The following RBFOX1 variants were observed in gnomAD, a reference collection of about 807,000 sequenced individuals.
The protein encoded by RBFOX1 is RNA binding protein fox-1 homolog 1.
RBFOX1 carries 8 observed loss-of-function variants against 57.7 expected under a neutral mutation model. The ratio of observed to expected loss-of-function variants is 0.14; its 90% CI spans 0.08 to 0.25. The LOEUF (loss-of-function observed/expected upper bound fraction) is 0.25. RBFOX1 is among the 10% of genes least tolerant of loss of function. The pLI is 1.00. For synonymous variants in RBFOX1, 326 were observed against 222.4 expected (o/e 1.47, Z -4.15); for missense variants, 611 against 548.5 (o/e 1.11, Z -1.14).
intron 4 of RBFOX1, among the ~76,000 whole-genome samples, chr16:7,058,101 C>T (rs987959450): frequency 2.6e-5 from 4 of 151,170 alleles, no homozygotes; most frequent in Non-Finnish European, 5.9e-5. Flanking sequence ...CTGGAAAATA[C>T]ATGTGCTACC....
At chr16:6,018,508 G>A (rs79622230), upstream of RBFOX1, among the ~76,000 whole-genome samples, 5,487 of 152,234 alleles carry the variant, frequency 0.036, 137 homozygotes, top group Non-Finnish European at 0.055. Flanking sequence ...CGTCCATTGC[G>A]GGAGTAGGTG....
At chr16:7,584,323 C>T (rs183736908) in intron 6 of RBFOX1, among the ~76,000 whole-genome samples, 45 of 152,244 alleles carry the variant, frequency 3.0e-4, no homozygotes, top group East Asian at 5.8e-4. Flanking sequence ...GATAGAGTCT[C>T]GCTCTGTCAC....
At chr16:6,932,396 C>A (rs574751921) in intron 3 of RBFOX1, among the ~76,000 whole-genome samples, 1 of 152,142 alleles carries the variant, frequency 6.6e-6, no homozygotes, top group Non-Finnish European at 1.5e-5. Flanking sequence ...CATGAGCCAC[C>A]ATGCCCAGCC....
chr16:7,051,731 G>A lies in RBFOX1; in HGVS notation c.-15-326G>A, dbSNP rs889692316. ...TGCACCTGTGATATAGGGCAAGCTG[G>A]GGTTTTCAGGGAAAAGGGTGGGGAG... is the stretch of plus-strand genomic sequence containing the variant. On this transcript the variant is annotated intron_variant, in intron 3 of 15. Coordinates refer to ENST00000550418, the MANE Select transcript of RBFOX1 (RefSeq NM_018723.4). Among the ~76,000 whole-genome samples the A allele has an allele frequency of 6.6e-5, 10 of 152,184 alleles. No individual in the cohort carries two copies. The East Asian group carries it at 1.4e-3, about 21-fold the overall frequency.
chr16:7,225,590 T>C (rs1297327945), intron 4 of RBFOX1, among the ~76,000 whole-genome samples: 2 of 151,820 alleles, frequency 1.3e-5, no homozygotes, highest in Non-Finnish European at 2.9e-5. Context: ...CCATGTGAGA[T>C]GATGAGATTG....
At chr16:5,767,557 G>C (rs985784427) in intron 3 of RBFOX1, among the ~76,000 whole-genome samples, 3 of 152,140 alleles carry the variant, frequency 2.0e-5, no homozygotes, top group Admixed American at 2.0e-4. Context: ...CGAACCCTGC[G>C]TGAGTTTCCA....
Position 6,117,086 on chromosome 16 carries a change from C to T in RBFOX1, c.-127+97094C>T, listed in dbSNP as rs559761609. Among the ~76,000 whole-genome samples the T allele has an allele frequency of 3.3e-5, 5 of 152,242 alleles. No individual in the cohort carries two copies. The South Asian group carries it at 1.0e-3, about 32-fold the overall frequency. The stretch of plus-strand genomic sequence containing the variant: ...CTTCATTAAAGTCTGATGCCCTCAC[C>T]AAAGCCTTCTTGGAGTAGTTGTAGA... On this transcript the variant is annotated intron_variant, in intron 1 of 15. Coordinates refer to ENST00000550418, the MANE Select transcript of RBFOX1 (RefSeq NM_018723.4).
At chr16:7,216,046 C>G (rs576688424) in intron 4 of RBFOX1, among the ~76,000 whole-genome samples, 43 of 152,246 alleles carry the variant, frequency 2.8e-4, no homozygotes, top group African/African-American at 1.0e-3. Context: ...TCACTGGAAT[C>G]ATACAGTATT....
At chr16:5,540,346 A>G (rs893043243) in intron 2 of RBFOX1, among the ~76,000 whole-genome samples, 2 of 152,250 alleles carry the variant, frequency 1.3e-5, no homozygotes, top group Non-Finnish European at 2.9e-5. Flanking sequence ...CAGATTATGT[A>G]TACTATGAAA....
At chr16:5,488,060 T>A (rs1322516035) in intron 2 of RBFOX1, among the ~76,000 whole-genome samples, 2 of 151,048 alleles carry the variant, frequency 1.3e-5, no homozygotes, top group African/African-American at 4.9e-5. Flanking sequence ...GGTGGTGAGG[T>A]GTGATGGTGA....
chr16:7,601,213 G>T (rs760002775), intron 9 of RBFOX1, among the ~76,000 whole-genome samples: 25 of 152,142 alleles, frequency 1.6e-4, no homozygotes, highest in Non-Finnish European at 2.2e-4. Flanking sequence ...CCATTCACTG[G>T]CTCTTGAATT....
intron 2 of RBFOX1, among the ~76,000 whole-genome samples, chr16:6,551,543 C>G (rs1184185888): frequency 6.6e-6 from 1 of 152,180 alleles, no homozygotes; most frequent in Non-Finnish European, 1.5e-5. Flanking sequence ...GTAGCACACA[C>G]ATTCATCAAG....
chr16:5,349,515 T>A (rs1038106041), intron 1 of RBFOX1, among the ~76,000 whole-genome samples: 1 of 151,906 alleles, frequency 6.6e-6, no homozygotes, highest in African/African-American at 2.4e-5. Flanking sequence ...CTACTAAAAA[T>A]ACAAAAAATT....
At position 6,155,221 on chromosome 16, in the gene RBFOX1, C is replaced by G. The variant is rs145286305; in HGVS notation, c.-127+135229C>G. 3.3e-4 allele frequency among the ~76,000 whole-genome samples: 51 copies of G among 152,314 alleles called. 1 individual carries two copies. The East Asian group carries it at 9.5e-3, about 28-fold the overall frequency. On this transcript the variant is annotated intron_variant, in intron 1 of 15. Coordinates refer to ENST00000550418, the MANE Select transcript of RBFOX1 (RefSeq NM_018723.4). The stretch of plus-strand genomic sequence containing the variant: ...CTTTGGACATTACAATCTGCCATCT[C>G]TTCCTCTGGGGCATCCAGGAGACAA...
intron 4 of RBFOX1, among the ~76,000 whole-genome samples, chr16:7,331,578 G>A (rs949896719): frequency 6.6e-6 from 1 of 152,148 alleles, no homozygotes; most frequent in Admixed American, 6.6e-5. Flanking sequence ...CAGGAAAACA[G>A]GGAATACATG....
chr16:7,305,445 A>C (rs557648094), intron 4 of RBFOX1, among the ~76,000 whole-genome samples: 3 of 152,124 alleles, frequency 2.0e-5, no homozygotes, highest in Non-Finnish European at 4.4e-5. Flanking sequence ...TGTCATGCAG[A>C]TGAAAATCCT....
intron 1 of RBFOX1, among the ~76,000 whole-genome samples, chr16:5,322,275 C>G (rs1245448050): frequency 2.6e-5 from 4 of 152,212 alleles, no homozygotes; most frequent in Admixed American, 2.0e-4. Flanking sequence ...GGGTAGATGG[C>G]TGAGGATTTC....
intron 4 of RBFOX1, among the ~76,000 whole-genome samples, chr16:7,116,811 TAAC>T (rs2066001754): frequency 1.3e-5 from 2 of 152,132 alleles, no homozygotes; most frequent in African/African-American, 4.8e-5. Context: ...CAGAGGCATA[TAAC>T]AGCACACACA....
chr16:6,361,948 T>C (rs1307178061), intron 2 of RBFOX1, among the ~76,000 whole-genome samples: 1 of 151,976 alleles, frequency 6.6e-6, no homozygotes, highest in Non-Finnish European at 1.5e-5. Flanking sequence ...ATGAAGTCCC[T>C]GTGTGATATA....
Sources: gnomAD v4.1 joint callset for allele counts (sites outside exome capture counted in the v4.1 genomes callset) on GRCh38, gnomAD v4.1.1 for gene constraint, MANE v1.5 for transcripts, NCBI Gene and HGNC (gene_info 2026-07-23, HGNC 2026-07-21) for gene names.